The following BLTP1 variants were observed in gnomAD, a reference collection of about 807,000 sequenced individuals.
BLTP1 encodes bridge-like lipid transfer protein family member 1, also known as fragile site-associated protein.
At chr4:122,173,006 T>C in the BLTP1 span, 1 of 1,610,934 alleles carries the variant, frequency 6.2e-7, no homozygotes, top group Non-Finnish European at 8.5e-7. Flanking sequence ...AAGTAAATCC[T>C]ATTATTTCTG....
At chr4:122,271,085 A>C in the BLTP1 span, 24,530 of 1,613,824 alleles carry the variant, frequency 0.015, 242 homozygotes, top group Non-Finnish European at 0.019. Flanking sequence ...CTTTAGCATC[A>C]GTGCTGTTGT....
chr4:122,201,885 T>A, the BLTP1 span: 9 of 984,902 alleles, frequency 9.1e-6, no homozygotes, highest in African/African-American at 1.6e-4. Context: ...TCATCGATGC[T>A]GAGTACTATT....
At chr4:122,358,595 A>G in the BLTP1 span, among the ~76,000 whole-genome samples, 1 of 152,230 alleles carries the variant, frequency 6.6e-6, no homozygotes, top group Non-Finnish European at 1.5e-5. Context: ...AACCACCACC[A>G]GTAATAAACA....
the BLTP1 span, chr4:122,356,888 G>A: frequency 3.1e-5 from 45 of 1,443,732 alleles, no homozygotes; most frequent in African/African-American, 1.1e-4. Flanking sequence ...AGTAAATAGC[G>A]TTAGTAAGAC....
At chr4:122,174,432 G>T in the BLTP1 span, 7 of 1,389,908 alleles carry the variant, frequency 5.0e-6, no homozygotes, top group East Asian at 1.1e-4. Flanking sequence ...TGGAAAATCA[G>T]TAAGGCTGTA....
At chr4:122,189,917 C>G in the BLTP1 span, 5 of 1,503,014 alleles carry the variant, frequency 3.3e-6, no homozygotes, top group Non-Finnish European at 4.4e-6. Flanking sequence ...TTCTTTTCAC[C>G]TATTGCCAGC....
At chr4:122,272,394 A>T in the BLTP1 span, 1 of 1,611,350 alleles carries the variant, frequency 6.2e-7, no homozygotes. Context: ...ACTCTTAAGG[A>T]AAAAATGAAA....
the BLTP1 span, chr4:122,162,451 T>C: frequency 2.0e-5 from 18 of 905,598 alleles, no homozygotes; most frequent in African/African-American, 2.1e-4. Context: ...CACTGAGCTT[T>C]CTTGAGGACC....
chr4:122,187,184 C>G, the BLTP1 span: 1 of 982,682 alleles, frequency 1.0e-6, no homozygotes, highest in Non-Finnish European at 1.2e-6. Flanking sequence ...GCTTGTTATT[C>G]TAAAAACATA....
At chr4:122,186,903 TG>T in the BLTP1 span, 1 of 407,772 alleles carries the variant, frequency 2.5e-6, no homozygotes, top group Non-Finnish European at 3.3e-6. Context: ...ACTTTGTATA[TG>T]GCCAGTTTTC....
chr4:122,336,119 T>A, the BLTP1 span: 97 of 1,268,174 alleles, frequency 7.6e-5, no homozygotes, highest in South Asian at 1.4e-3. Context: ...GATTAAACTT[T>A]AATATAATTC....
the BLTP1 span, among the ~76,000 whole-genome samples, chr4:122,154,601 C>T: frequency 6.6e-6 from 1 of 152,124 alleles, no homozygotes; most frequent in Admixed American, 6.5e-5. Context: ...TGGCCGGGCG[C>T]GGTGGCTCAC....
chr4:122,204,387 G>A, the BLTP1 span: 27 of 876,660 alleles, frequency 3.1e-5, no homozygotes, highest in Non-Finnish European at 3.6e-5. Context: ...CATTTACAAA[G>A]CATGTTCACT....
chr4:122,351,278 AT>A, the BLTP1 span: 2 of 907,062 alleles, frequency 2.2e-6, no homozygotes, highest in Non-Finnish European at 2.6e-6. Context: ...GAAGCAAAAA[AT>A]AAAACCATCA....
the BLTP1 span, among the ~76,000 whole-genome samples, chr4:122,181,038 A>G: frequency 1.3e-5 from 2 of 152,188 alleles, no homozygotes; most frequent in African/African-American, 4.8e-5. Context: ...TCATTTAAAC[A>G]TTATGATATA....
the BLTP1 span, chr4:122,325,884 A>T: frequency 8.4e-7 from 1 of 1,186,058 alleles, no homozygotes; most frequent in Non-Finnish European, 1.1e-6. Flanking sequence ...GAAGTACACC[A>T]CAATCCAGCT....
At chr4:122,294,125 T>TG in the BLTP1 span, among the ~76,000 whole-genome samples, 5 of 151,772 alleles carry the variant, frequency 3.3e-5, no homozygotes, top group Non-Finnish European at 7.4e-5. Context: ...GATCTCTCCC[T>TG]GGGGGGTGGG....
chr4:122,194,109 G>A, the BLTP1 span, among the ~76,000 whole-genome samples: 3 of 152,140 alleles, frequency 2.0e-5, no homozygotes, highest in Admixed American at 6.5e-5. Flanking sequence ...TGATCCGCCC[G>A]CTTCGGCCTC....
At chr4:122,189,773 A>G in the BLTP1 span, 1 of 885,452 alleles carries the variant, frequency 1.1e-6, no homozygotes, top group Non-Finnish European at 1.4e-6. Context: ...ATAAATTTTT[A>G]GTATCATTTT....
Sources: gnomAD v4.1 joint callset for allele counts (sites outside exome capture counted in the v4.1 genomes callset) on GRCh38, gnomAD v4.1.1 for gene constraint, MANE v1.5 for transcripts, NCBI Gene and HGNC (gene_info 2026-07-23, HGNC 2026-07-21) for gene names.